The following CDH13 variants were observed in gnomAD, a reference collection of about 807,000 sequenced individuals.
CDH13 encodes the protein cadherin 13.
CDH13 carries 24 observed loss-of-function variants against 63.8 expected under a neutral mutation model. That is an observed-to-expected ratio of 0.38 (90% CI 0.27 to 0.53). The LOEUF (loss-of-function observed/expected upper bound fraction) is 0.53. CDH13 is among the 20% of genes least tolerant of loss of function. The probability of loss-of-function intolerance (pLI) is 0.85; values close to 1 mark genes in which losing one functional copy is unlikely to be tolerated. For missense variants in CDH13, 1,049 were observed against 903.1 expected, an observed-to-expected ratio of 1.16 and a Z score of -2.07; for synonymous variants, 503 against 355.3, an observed-to-expected ratio of 1.42 and a Z score of -4.67.
chr16:83,694,927 C>G (rs1281940925), intron 10 of CDH13, among the ~76,000 whole-genome samples: 6 of 152,142 alleles, frequency 3.9e-5, no homozygotes, highest in Non-Finnish European at 8.8e-5. Context: ...CAAAAATTAG[C>G]CAGGCACGGT....
intron 6 of CDH13, among the ~76,000 whole-genome samples, chr16:83,356,032 C>G (rs1240160396): frequency 2.0e-5 from 3 of 152,156 alleles, no homozygotes; most frequent in Non-Finnish European, 4.4e-5. Context: ...TGATGAAGCT[C>G]AGATCGAAAC....
chr16:82,965,471 C>G (rs1567700897), intron 2 of CDH13, among the ~76,000 whole-genome samples: 1 of 152,162 alleles, frequency 6.6e-6, no homozygotes, highest in South Asian at 2.1e-4. Context: ...TTCAAATATT[C>G]CATTGCAAAC....
intron 1 of CDH13, among the ~76,000 whole-genome samples, chr16:82,740,965 C>T (rs72805903): frequency 0.027 from 4,137 of 152,152 alleles, 99 homozygotes; most frequent in Non-Finnish European, 0.038. Context: ...CCTTCTCATG[C>T]CTATATTTTT....
chr16:83,649,766 A>G (rs1301714546), intron 8 of CDH13, among the ~76,000 whole-genome samples: 3 of 152,148 alleles, frequency 2.0e-5, no homozygotes, highest in Non-Finnish European at 4.4e-5. Context: ...CCTGTGGGTC[A>G]AGCAGCAAGG....
chr16:83,143,932 C>T (rs1361262986), intron 4 of CDH13, among the ~76,000 whole-genome samples: 1 of 152,048 alleles, frequency 6.6e-6, no homozygotes, highest in South Asian at 2.1e-4. Flanking sequence ...GGTCTAGAAT[C>T]AACATAGTGA....
intron 1 of CDH13, among the ~76,000 whole-genome samples, chr16:82,756,223 G>A (rs529626912): frequency 8.7e-4 from 132 of 152,250 alleles, no homozygotes; most frequent in African/African-American, 3.0e-3. Flanking sequence ...ACTACAGTCT[G>A]TAAATTAGAT....
chr16:83,292,423 C>G (rs950953077), intron 5 of CDH13, among the ~76,000 whole-genome samples: 2 of 152,128 alleles, frequency 1.3e-5, no homozygotes, highest in Non-Finnish European at 2.9e-5. Context: ...CTCTGCTGTC[C>G]TGCTAGCTGC....
intron 2 of CDH13, among the ~76,000 whole-genome samples, chr16:82,987,300 G>A (rs973275083): frequency 1.3e-5 from 2 of 152,158 alleles, no homozygotes; most frequent in African/African-American, 4.8e-5. Flanking sequence ...TATCTACTGG[G>A]CAGAGATCTT....
chr16:83,707,218 A>G (rs1907209437), intron 10 of CDH13, among the ~76,000 whole-genome samples: 2 of 152,172 alleles, frequency 1.3e-5, no homozygotes, highest in Admixed American at 1.3e-4. Flanking sequence ...GCCTCCACCC[A>G]TCACAATCCT....
At chr16:83,766,664 C>A (rs901474783) in intron 11 of CDH13, among the ~76,000 whole-genome samples, 1 of 152,214 alleles carries the variant, frequency 6.6e-6, no homozygotes, top group African/African-American at 2.4e-5. Context: ...GAGCTAACTT[C>A]TGAAAGTTTG....
intron 1 of CDH13, among the ~76,000 whole-genome samples, chr16:82,718,260 G>A (rs952982036): frequency 1.3e-5 from 2 of 152,182 alleles, no homozygotes; most frequent in East Asian, 3.9e-4. Flanking sequence ...GGGACCTGGG[G>A]TATTTATCTA....
chr16:83,442,687 A>G (rs904519026), intron 6 of CDH13, among the ~76,000 whole-genome samples: 57 of 152,352 alleles, frequency 3.7e-4, no homozygotes, highest in African/African-American at 1.3e-3. Context: ...TTAGGGCTGC[A>G]TTTTGAAATT....
intron 6 of CDH13, among the ~76,000 whole-genome samples, chr16:83,386,273 C>T (rs1433654180): frequency 1.3e-5 from 2 of 152,204 alleles, no homozygotes; most frequent in Non-Finnish European, 1.5e-5. Flanking sequence ...CCGAATCCAG[C>T]ATCAGAATCC....
At chr16:83,012,073 T>C (rs372219081) in intron 2 of CDH13, among the ~76,000 whole-genome samples, 1 of 152,158 alleles carries the variant, frequency 6.6e-6, no homozygotes, top group East Asian at 1.9e-4. Flanking sequence ...CATTTGAAAG[T>C]TGAAAGAGGA....
intron 6 of CDH13, among the ~76,000 whole-genome samples, chr16:83,413,122 A>G (rs1252401802): frequency 1.3e-5 from 2 of 152,194 alleles, no homozygotes; most frequent in Non-Finnish European, 2.9e-5. Flanking sequence ...TCTGTATTTA[A>G]TTGGAAGTGT....
chr16:82,831,795 C>A (rs1253077064), intron 1 of CDH13, among the ~76,000 whole-genome samples: 1 of 152,148 alleles, frequency 6.6e-6, no homozygotes, highest in South Asian at 2.1e-4. Flanking sequence ...AATGACTTGG[C>A]CCCTTTGGTT....
intron 7 of CDH13, among the ~76,000 whole-genome samples, chr16:83,494,875 G>A (rs987826185): frequency 1.3e-5 from 2 of 152,236 alleles, no homozygotes; most frequent in African/African-American, 2.4e-5. Context: ...ACACTTTGGG[G>A]TTCTAAAAGC....
At chr16:82,900,892 TAAACCA>T (rs1201808018) in intron 2 of CDH13, among the ~76,000 whole-genome samples, 3 of 152,194 alleles carry the variant, frequency 2.0e-5, no homozygotes, top group Non-Finnish European at 4.4e-5. Context: ...GGATTAAGCA[TAAACCA>T]AAACGAGCAG....
chr16:83,794,906 G>T (rs574887538), intron 13 of CDH13, 117 bp from the exon 14 acceptor site: 2 of 900,572 alleles, frequency 2.2e-6, no homozygotes, highest in Non-Finnish European at 3.6e-6. Flanking sequence ...CCCCATAGTC[G>T]TGTGATGTTT....
Sources: allele counts gnomAD v4.1 joint callset (sites outside exome capture counted in the v4.1 genomes callset), GRCh38; gene constraint gnomAD v4.1.1; transcripts MANE v1.5; gene names NCBI Gene and HGNC (gene_info 2026-07-23, HGNC 2026-07-21).